DNAAF4: variants seen among roughly 807,000 people sequenced by gnomAD.
DNAAF4 encodes the protein dynein axonemal assembly factor 4, also known as dynein assembly factor 4, axonemal.
DNAAF4 carries 43 observed loss-of-function variants against 51.8 expected under a neutral mutation model. The ratio of observed to expected loss-of-function variants is 0.83; its 90% CI spans 0.65 to 1.07. The LOEUF (loss-of-function observed/expected upper bound fraction) is 1.07, where lower values mean the gene tolerates loss of function less well. Among genes scored for constraint, DNAAF4 ranks in the 50% least tolerant of loss-of-function variants. The pLI, the probability that DNAAF4 is intolerant of heterozygous loss-of-function variation, is 0.00. For synonymous variants in DNAAF4, 194 were observed against 165.6 expected (o/e 1.17, Z -1.32); for missense variants, 581 against 493.0 (o/e 1.18, Z -1.69).
At chr15:55,469,231 G>C (rs923511188) in intron 4 of DNAAF4, among the ~76,000 whole-genome samples, 2 of 151,756 alleles carry the variant, frequency 1.3e-5, no homozygotes, top group African/African-American at 2.4e-5. Context: ...TTGGGAGGCA[G>C]AGGGAGGAGA....
At chr15:55,418,523 G>C (rs769757240) in intron 7 of DNAAF4, 1 of 1,521,034 alleles carries the variant, frequency 6.6e-7, no homozygotes, top group South Asian at 1.2e-5. Flanking sequence ...TACTGCACCT[G>C]ACAGAACCAG....
downstream of DNAAF4, among the ~76,000 whole-genome samples, chr15:55,427,285 C>T (rs2057439956): frequency 1.3e-5 from 2 of 152,090 alleles, no homozygotes; most frequent in South Asian, 4.1e-4. Context: ...CCAGGCTGTT[C>T]TTGAACTCCT....
At chr15:55,443,748 G>T (rs2057753024) in intron 6 of DNAAF4, among the ~76,000 whole-genome samples, 1 of 152,220 alleles carries the variant, frequency 6.6e-6, no homozygotes, top group Admixed American at 6.5e-5. Flanking sequence ...TCTAGCTGGT[G>T]TGAGATGGTA....
At chr15:55,497,674 G>T in intron 3 of DNAAF4, 38 bp downstream of exon 3, 1 of 1,579,332 alleles carries the variant, frequency 6.3e-7, no homozygotes, top group Admixed American at 1.9e-5. Context: ...AAACCGAAAA[G>T]GTACAACCAG....
chr15:55,489,674 C>CA (rs756823133), intron 4 of DNAAF4, among the ~76,000 whole-genome samples: 1,570 of 80,526 alleles, frequency 0.019, 37 homozygotes, highest in African/African-American at 0.045. Context: ...GACACCATTT[C>CA]AAAAAAAAAA....
intron 7 of DNAAF4, chr15:55,418,609 G>A (rs555918541): frequency 5.1e-5 from 65 of 1,279,628 alleles, no homozygotes; most frequent in Non-Finnish European, 6.5e-5. Context: ...AAATATACTC[G>A]GGAAAAATGA....
chr15:55,428,311 C>T (rs1464976225), downstream of DNAAF4, among the ~76,000 whole-genome samples: 2 of 151,934 alleles, frequency 1.3e-5, no homozygotes, highest in African/African-American at 4.8e-5. Flanking sequence ...AATTCCGTCC[C>T]CAGGCAAGAA....
intron 4 of DNAAF4, among the ~76,000 whole-genome samples, chr15:55,482,414 T>C (rs2058424432): frequency 6.6e-6 from 1 of 152,134 alleles, no homozygotes; most frequent in Admixed American, 6.6e-5. Flanking sequence ...TGGTGGCTCA[T>C]GCATGCAATC....
At position 55,477,649 on chromosome 15, in the gene DNAAF4, CGTGT is replaced by C. The variant is rs551319627; in HGVS notation, c.406-10492_406-10489del. Among the ~76,000 whole-genome samples, 4 of 85,456 alleles carry C rather than the reference CGTGT, an allele frequency of 4.7e-5. No individual in the cohort carries two copies. In the South Asian group the frequency reaches 1.1e-3, roughly 24 times the overall value. The allele number at this position is 85,456 out of a possible 152,430, so 56.1% of individuals were successfully genotyped here. On this transcript the variant is annotated intron_variant, in intron 4 of 9. Coordinates refer to ENST00000321149, the MANE Select transcript of DNAAF4 (RefSeq NM_130810.4). The stretch of plus-strand genomic sequence containing the variant: ...ATATGTAAGTATGTATGTATGTATG[CGTGT>C]GTGTGTGTATATATATATATACATA...
chr15:55,448,543 T>C (rs1459168546), intron 6 of DNAAF4, among the ~76,000 whole-genome samples: 1 of 141,522 alleles, frequency 7.1e-6, no homozygotes, highest in African/African-American at 2.6e-5. Context: ...TGTGTGTGTG[T>C]GTGTGTGTGT....
rs933628511 is a variant in DNAAF4 at position 55,431,622 on chromosome 15, C to T, written c.1154-843G>A. 3.3e-5 allele frequency among the ~76,000 whole-genome samples: 5 copies of T among 151,628 alleles called. No individual in the cohort carries two copies. In the East Asian group the frequency reaches 9.8e-4, roughly 30 times the overall value. On this transcript the variant is annotated intron_variant, in intron 9 of 9. Transcript: ENST00000321149. ...CCTGAGTAGCTGGGACTACAGGCGC[C>T]CGCCACCACACCTGGCTAATTTTGT... is the stretch of plus-strand genomic sequence containing the variant.
At chr15:55,426,088 G>C (rs2057428402), downstream of DNAAF4, among the ~76,000 whole-genome samples, 1 of 145,000 alleles carries the variant, frequency 6.9e-6, no homozygotes, top group African/African-American at 2.9e-5. Flanking sequence ...TGATTGGTTA[G>C]GTAGATGAAA....
At chr15:55,430,832 CT>C in intron 9 of DNAAF4, 53 bp from the exon 10 acceptor site, 1 of 1,362,580 alleles carries the variant, frequency 7.3e-7, no homozygotes, top group Non-Finnish European at 1.0e-6. Flanking sequence ...ATTAGCACTT[CT>C]TTTATCTAGA....
intron 6 of DNAAF4, among the ~76,000 whole-genome samples, chr15:55,447,028 G>T (rs989910421): frequency 2.0e-5 from 3 of 147,462 alleles, no homozygotes; most frequent in Non-Finnish European, 4.5e-5. Context: ...TCCCAGACGG[G>T]GCAGCCGGGC....
At chr15:55,438,143 C>T (rs1193920159) in intron 7 of DNAAF4, among the ~76,000 whole-genome samples, 1 of 151,082 alleles carries the variant, frequency 6.6e-6, no homozygotes, top group Non-Finnish European at 1.5e-5. Context: ...GGTCAAGGTG[C>T]GCGGATCACC....
At chr15:55,427,152 C>T (rs141374322), downstream of DNAAF4, among the ~76,000 whole-genome samples, 17,122 of 152,050 alleles carry the variant, frequency 0.11, 1,424 homozygotes, top group African/African-American at 0.23. Context: ...CTGCAACCTC[C>T]GCCTCCTGGG....
intron 4 of DNAAF4, among the ~76,000 whole-genome samples, chr15:55,479,940 G>A (rs187898159): frequency 6.6e-6 from 1 of 152,244 alleles, no homozygotes; most frequent in Admixed American, 6.5e-5. Context: ...TATGTGCACT[G>A]CTGAACATAG....
chr15:55,488,358 T>C (rs57411546), intron 4 of DNAAF4, among the ~76,000 whole-genome samples: 39,369 of 152,108 alleles, frequency 0.26, 5,688 homozygotes, highest in Non-Finnish European at 0.33. Flanking sequence ...TTGGTAGATG[T>C]CCTTCAAGTT....
chr15:55,432,147 C>A (rs1436735231), intron 9 of DNAAF4, among the ~76,000 whole-genome samples: 1 of 151,702 alleles, frequency 6.6e-6, no homozygotes, highest in Non-Finnish European at 1.5e-5. Flanking sequence ...TAGAGGGTTT[C>A]TCCATGTTGG....
Sources: gnomAD v4.1 joint callset for allele counts (sites outside exome capture counted in the v4.1 genomes callset) on GRCh38, gnomAD v4.1.1 for gene constraint, MANE v1.5 for transcripts, NCBI Gene and HGNC (gene_info 2026-07-23, HGNC 2026-07-21) for gene names.